The following PHACTR3 variants were observed in gnomAD, a reference collection of about 807,000 sequenced individuals.
The protein encoded by PHACTR3 is protein phosphatase 1, regulatory subunit 123.
PHACTR3 carries 16 observed loss-of-function variants against 66.8 expected under a neutral mutation model. The observed-to-expected ratio is 0.24, with a 90% CI of 0.16 to 0.36. The LOEUF is 0.36. Among genes scored for constraint, PHACTR3 ranks in the 10% least tolerant of loss-of-function variants. PHACTR3 has a pLI of 1.00. For synonymous variants in PHACTR3, 323 were observed against 292.1 expected, an observed-to-expected ratio of 1.11 and a Z score of -1.08; for missense variants, 647 against 719.9, an observed-to-expected ratio of 0.90 and a Z score of 1.16.
chr20:59,814,012 C>T (rs530134900), intron 8 of PHACTR3, among the ~76,000 whole-genome samples: 1 of 152,348 alleles, frequency 6.6e-6, no homozygotes, highest in African/African-American at 2.4e-5. Context: ...TGCCCACTGG[C>T]GTGGCGGGGC....
At chr20:59,678,648 A>C (rs2146534435) in intron 1 of PHACTR3, among the ~76,000 whole-genome samples, 1 of 152,318 alleles carries the variant, frequency 6.6e-6, no homozygotes, top group Non-Finnish European at 1.5e-5. Context: ...GTGTTTTGTA[A>C]TCTGTGTTTT....
chr20:59,732,198 A>G lies in PHACTR3; in HGVS notation c.119-10909A>G, dbSNP rs574632237. ...AATCCTCTCAGCATCTCCCTATGCT[A>G]GAGTTCCATGGAAAACACTTTGGGA... is the stretch of plus-strand genomic sequence containing the variant. On this transcript the variant is annotated intron_variant, in intron 1 of 12. Coordinates refer to ENST00000371015, the MANE Select transcript of PHACTR3 (RefSeq NM_080672.5). Among the ~76,000 whole-genome samples the G allele has an allele frequency of 4.6e-5, 7 of 152,330 alleles. No homozygotes were observed. In the South Asian group the frequency reaches 8.3e-4, roughly 18 times the overall value.
intron 1 of PHACTR3, among the ~76,000 whole-genome samples, chr20:59,666,654 G>A (rs2036000582): frequency 6.6e-6 from 1 of 152,174 alleles, no homozygotes; most frequent in African/African-American, 2.4e-5. Context: ...GACAAAGACA[G>A]AGAGATAGAG....
Position 59,829,293 on chromosome 20 carries a change from C to T in PHACTR3, c.1329-7212C>T, listed in dbSNP as rs981623645. The stretch of plus-strand genomic sequence containing the variant: ...TGAGCCCTCAGTCGGCAGAACATCC[C>T]TGCTTGCTGTTTCCTAGTGTGGACA... On this transcript the variant is annotated intron_variant, in intron 8 of 12. Transcript: ENST00000371015. The surrounding 1 kb of genome is among the most constrained non-coding windows in gnomAD (Gnocchi z 4.2). Among the ~76,000 whole-genome samples the T allele has an allele frequency of 6.6e-6, 1 of 152,194 alleles. No homozygotes were observed. Among genetic ancestry groups the T allele is most frequent in the South Asian group, 2.1e-4 (1 of 4,836 alleles).
intron 1 of PHACTR3, among the ~76,000 whole-genome samples, chr20:59,661,432 C>A (rs2035801901): frequency 6.6e-6 from 1 of 152,082 alleles, no homozygotes; most frequent in South Asian, 2.1e-4. Context: ...GCTTTGTGGT[C>A]ATTTGTTATA....
At chr20:59,600,945 C>CTT (rs11477966), upstream of PHACTR3, among the ~76,000 whole-genome samples, 9 of 137,586 alleles carry the variant, frequency 6.5e-5, no homozygotes, top group Non-Finnish European at 1.4e-4. Flanking sequence ...CCTCTACATG[C>CTT]TTTTTTTTTT....
chr20:59,684,008 T>C (rs2036763954), intron 1 of PHACTR3, among the ~76,000 whole-genome samples: 1 of 152,146 alleles, frequency 6.6e-6, no homozygotes, highest in Non-Finnish European at 1.5e-5. Context: ...AGAGGGGCAA[T>C]GGCTGTTTAT....
intron 7 of PHACTR3, among the ~76,000 whole-genome samples, chr20:59,790,310 A>C (rs567473070): frequency 3.3e-5 from 5 of 152,132 alleles, no homozygotes; most frequent in Admixed American, 3.3e-4. Context: ...TCTAGAGAGT[A>C]TCTGAGACTG....
chr20:59,823,342 G>A (rs1026766195), intron 8 of PHACTR3, among the ~76,000 whole-genome samples: 2 of 152,116 alleles, frequency 1.3e-5, no homozygotes, highest in Admixed American at 1.3e-4. Flanking sequence ...GCCCAGCTCG[G>A]GGTGAGCTGG....
chr20:59,765,907 T>C (rs1358397625), intron 4 of PHACTR3, among the ~76,000 whole-genome samples: 2 of 152,132 alleles, frequency 1.3e-5, no homozygotes, highest in East Asian at 1.9e-4. Context: ...GTGTTCTTCA[T>C]TGGGTAGTTG....
At chr20:59,774,954 T>C (rs1036410604) in intron 7 of PHACTR3, among the ~76,000 whole-genome samples, 2 of 151,932 alleles carry the variant, frequency 1.3e-5, no homozygotes, top group Non-Finnish European at 2.9e-5. Context: ...GGAAGAGAGA[T>C]TGCTCTATTG....
chr20:59,708,069 A>C (rs1334320653), intron 1 of PHACTR3, among the ~76,000 whole-genome samples: 1 of 152,208 alleles, frequency 6.6e-6, no homozygotes, highest in East Asian at 1.9e-4. Context: ...CCCCTGAACC[A>C]GTCATGGTGG....
chr20:59,613,406 T>G (rs931909103), intron 1 of PHACTR3, among the ~76,000 whole-genome samples: 6 of 152,156 alleles, frequency 3.9e-5, no homozygotes, highest in African/African-American at 9.7e-5. Flanking sequence ...GGCACAGGGG[T>G]GTCCACCTGC....
At chr20:59,755,483 G>A in intron 4 of PHACTR3, 119 bp downstream of exon 4, 4 of 1,192,952 alleles carry the variant, frequency 3.4e-6, no homozygotes, top group Non-Finnish European at 4.6e-6. Flanking sequence ...CCAGAGAGCT[G>A]GGCCCGTGCT....
intron 11 of PHACTR3, chr20:59,843,389 A>C (rs1449659686): frequency 2.0e-5 from 3 of 152,194 alleles, no homozygotes; most frequent in Admixed American, 6.5e-5. Context: ...CTGAATAGCC[A>C]AAGTAATCCT....
At chr20:59,577,566 G>A (rs1360561182) in exon 1 of PHACTR3, 6 of 1,202,476 alleles carry the variant, frequency 5.0e-6, no homozygotes, top group Non-Finnish European at 6.2e-6. Flanking sequence ...CTCGCTGCTG[G>A]GCGCCTTCGG....
intron 1 of PHACTR3, among the ~76,000 whole-genome samples, chr20:59,737,580 G>A (rs1007875745): frequency 1.3e-5 from 2 of 152,132 alleles, no homozygotes; most frequent in Non-Finnish European, 2.9e-5. Flanking sequence ...GTGTGTGCGT[G>A]TGTGTGCATG....
rs113665451 is a variant in PHACTR3, at chr20:59,774,320, G to C, written c.1004G>C (p.Arg335Pro). The change falls in exon 7 of 13, where the codon CGG (arginine) becomes CCG (proline). Residue 335 changes from arginine (R) to proline (P), a missense_variant. Arg to Pro is a moderately radical substitution (Grantham distance 103, BLOSUM62 -2). Around this residue, in one of 2 missense-constraint regions of PHACTR3, gnomAD observed 577 missense variants for 571.1 expected, o/e 1.01. Coordinates refer to ENST00000371015, the MANE Select transcript of PHACTR3 (RefSeq NM_080672.5). ...VRLSRTSSVE[R>P]GKEREEAWSF... is the part of the protein sequence containing the mutation. ...CTGTCGAGAACGTCCAGCGTGGAGCGGGGCAAGGAGAGGGAGGAGGCTTGG... is the reference window on the plus strand; with the variant it reads ...CTGTCGAGAACGTCCAGCGTGGAGCCGGGCAAGGAGAGGGAGGAGGCTTGG... The C allele has an allele frequency of 3.1e-6, 5 of 1,614,162 alleles. No homozygotes were observed. Among genetic ancestry groups the C allele is most frequent in the South Asian group, 1.1e-5 (1 of 91,072 alleles).
At chr20:59,602,080 G>C (rs543814841), upstream of PHACTR3, among the ~76,000 whole-genome samples, 1 of 152,162 alleles carries the variant, frequency 6.6e-6, no homozygotes, top group Non-Finnish European at 1.5e-5. Flanking sequence ...TGTCCTTATG[G>C]TAACATTAAG....
Sources: allele counts gnomAD v4.1 joint callset (sites outside exome capture counted in the v4.1 genomes callset), GRCh38; gene constraint gnomAD v4.1.1; regional missense constraint gnomAD v4.1.1; non-coding constraint Gnocchi (gnomAD v3.1); transcripts MANE v1.5; gene names NCBI Gene and HGNC (gene_info 2026-07-23, HGNC 2026-07-21).